VTI1A: variants seen among roughly 807,000 people sequenced by gnomAD.
VTI1A encodes vesicle transport through interaction with t-SNAREs homolog 1A.
Under a neutral mutation model 34.9 loss-of-function variants are expected in VTI1A, and 22 were observed. The ratio of observed to expected loss-of-function variants is 0.63; its 90% CI spans 0.45 to 0.90. VTI1A has a LOEUF of 0.90. VTI1A is among the 40% of genes least tolerant of loss of function. The pLI is 0.00. For missense variants in VTI1A, 268 were observed against 275.6 expected, an observed-to-expected ratio of 0.97 and a Z score of 0.20; for synonymous variants, 87 against 97.3, an observed-to-expected ratio of 0.89 and a Z score of 0.62.
intron 7 of VTI1A, among the ~76,000 whole-genome samples, chr10:112,746,574 G>A (rs1332540023): frequency 5.9e-5 from 9 of 152,186 alleles, no homozygotes; most frequent in Admixed American, 5.9e-4. Flanking sequence ...ACAGGATAAG[G>A]GAAGTGGCAG....
chr10:112,607,381 A>G (rs1479380845), intron 5 of VTI1A, among the ~76,000 whole-genome samples: 3 of 152,036 alleles, frequency 2.0e-5, no homozygotes, highest in Non-Finnish European at 4.4e-5. Flanking sequence ...GAGCAGTTAT[A>G]CTTCCCCTGT....
chr10:112,709,270 G>T (rs1262679003), intron 7 of VTI1A, among the ~76,000 whole-genome samples: 2 of 152,138 alleles, frequency 1.3e-5, no homozygotes, highest in African/African-American at 4.8e-5. Flanking sequence ...CTCAGAAAAG[G>T]GACAGAAAGT....
chr10:112,568,929 C>T (rs1589915770), intron 5 of VTI1A, among the ~76,000 whole-genome samples: 1 of 152,004 alleles, frequency 6.6e-6, no homozygotes, highest in Non-Finnish European at 1.5e-5. Context: ...CATATGTGGG[C>T]GGATCACCTG....
chr10:112,770,757 C>A (rs549961868), intron 7 of VTI1A, among the ~76,000 whole-genome samples: 1 of 152,078 alleles, frequency 6.6e-6, no homozygotes, highest in South Asian at 2.1e-4. Flanking sequence ...TCTTATAACA[C>A]CCTGCTTCTG....
At chr10:112,828,674 G>T in the VTI1A span, among the ~76,000 whole-genome samples, 1 of 151,738 alleles carries the variant, frequency 6.6e-6, no homozygotes, top group Non-Finnish European at 1.5e-5. Flanking sequence ...CAGAGTTCTG[G>T]GATTACAGGC....
At chr10:112,554,478 C>A (rs1851475674) in intron 5 of VTI1A, among the ~76,000 whole-genome samples, 2 of 152,106 alleles carry the variant, frequency 1.3e-5, no homozygotes, top group Non-Finnish European at 1.5e-5. Flanking sequence ...ATGGGGGAAA[C>A]TGGATGTAGA....
chr10:112,783,401 G>GCA (rs58560251), intron 7 of VTI1A, among the ~76,000 whole-genome samples: 43,265 of 150,234 alleles, frequency 0.29, 6,325 homozygotes, highest in Middle Eastern at 0.34. Flanking sequence ...GCGTGCACGT[G>GCA]CACACACACA....
intron 4 of VTI1A, among the ~76,000 whole-genome samples, chr10:112,534,437 G>T (rs1404882641): frequency 6.6e-6 from 1 of 151,988 alleles, no homozygotes; most frequent in African/African-American, 2.4e-5. Context: ...TTATAGTATA[G>T]AGTAGTATGA....
chr10:112,546,769 C>G (rs867615600), intron 5 of VTI1A, among the ~76,000 whole-genome samples: 7 of 151,954 alleles, frequency 4.6e-5, no homozygotes, highest in Non-Finnish European at 1.0e-4. Context: ...AAGAATAATA[C>G]CAATGCCGTG....
intron 7 of VTI1A, among the ~76,000 whole-genome samples, chr10:112,812,221 C>G (rs1177935002): frequency 3.9e-5 from 6 of 152,184 alleles, no homozygotes; most frequent in Non-Finnish European, 8.8e-5. Flanking sequence ...AGTGTATATT[C>G]TTTCTTAAAT....
At chr10:112,583,748 G>C (rs1248447550) in intron 5 of VTI1A, among the ~76,000 whole-genome samples, 1 of 152,204 alleles carries the variant, frequency 6.6e-6, no homozygotes, top group African/African-American at 2.4e-5. Context: ...ACGCTTAATA[G>C]AGAGAGCTAG....
chr10:112,548,485 C>T (rs1851220783), intron 5 of VTI1A: 4 of 497,034 alleles, frequency 8.0e-6, no homozygotes, highest in Non-Finnish European at 1.4e-5. Context: ...TTTTACGATG[C>T]ATTGTTATGA....
chr10:112,508,834 G>T (rs556824149), intron 3 of VTI1A, among the ~76,000 whole-genome samples: 38 of 152,216 alleles, frequency 2.5e-4, no homozygotes, highest in African/African-American at 8.9e-4. Context: ...AGAGCCAAAG[G>T]GTGAATGGGA....
the VTI1A span, among the ~76,000 whole-genome samples, chr10:112,835,905 T>C: frequency 2.6e-5 from 4 of 152,212 alleles, no homozygotes; most frequent in Non-Finnish European, 4.4e-5. Flanking sequence ...ATTATGCTAA[T>C]TAAATGCCAC....
intron 7 of VTI1A, among the ~76,000 whole-genome samples, chr10:112,722,827 G>A (rs928150660): frequency 2.6e-5 from 4 of 152,122 alleles, no homozygotes; most frequent in African/African-American, 9.7e-5. Context: ...GAGTTAAGAA[G>A]AGCTCATCTA....
chr10:112,827,035 C>A, the VTI1A span: 3 of 152,328 alleles, frequency 2.0e-5, no homozygotes, highest in South Asian at 6.2e-4. Flanking sequence ...TTGGTTTCTA[C>A]AGCTTTTCCC....
intron 3 of VTI1A, among the ~76,000 whole-genome samples, chr10:112,494,378 GT>G (rs1297001794): frequency 6.6e-6 from 1 of 151,854 alleles, no homozygotes; most frequent in Non-Finnish European, 1.5e-5. Context: ...TTTCTGTTTT[GT>G]TGATTTTGAC....
At chr10:112,751,769 A>G (rs76924607) in intron 7 of VTI1A, among the ~76,000 whole-genome samples, 1 of 152,358 alleles carries the variant, frequency 6.6e-6, no homozygotes, top group Non-Finnish European at 1.5e-5. Context: ...AGCAAGCCAC[A>G]TGAAAGGGTC....
chr10:112,551,185 C>A (rs772428789), intron 5 of VTI1A, among the ~76,000 whole-genome samples: 3 of 136,356 alleles, frequency 2.2e-5, no homozygotes, highest in African/African-American at 2.8e-5. Flanking sequence ...CGGAGCTTGC[C>A]GTGAGCAGAG....
Sources: allele counts gnomAD v4.1 joint callset (sites outside exome capture counted in the v4.1 genomes callset), GRCh38; gene constraint gnomAD v4.1.1; transcripts MANE v1.5; gene names NCBI Gene and HGNC (gene_info 2026-07-23, HGNC 2026-07-21).